Variants in NFASC observed in about 807,000 individuals in gnomAD.
NFASC encodes the protein neurofascin, also known as neurofascin homolog.
Under a neutral mutation model 147.5 loss-of-function variants are expected in NFASC, and 43 were observed. The ratio of observed to expected loss-of-function variants is 0.29; its 90% CI spans 0.23 to 0.38. NFASC has a LOEUF of 0.38. Ranked by LOEUF, NFASC falls within the 10% of genes least tolerant of loss-of-function variation. NFASC has a pLI of 1.00. For synonymous variants in NFASC, 622 were observed against 665.5 expected (o/e 0.93, Z 1.01); for missense variants, 1,320 against 1,689.0 (o/e 0.78, Z 3.83).
intron 1 of NFASC, among the ~76,000 whole-genome samples, chr1:204,857,571 T>G (rs1231277808): frequency 6.6e-6 from 1 of 152,214 alleles, no homozygotes; most frequent in Non-Finnish European, 1.5e-5. Context: ...AGAATCCCAT[T>G]GTGTGACCAC....
intron 1 of NFASC, among the ~76,000 whole-genome samples, chr1:204,896,717 G>T (rs935844044): frequency 6.6e-6 from 1 of 152,124 alleles, no homozygotes; most frequent in Non-Finnish European, 1.5e-5. Context: ...TAAATATATG[G>T]TTTTTGACCC....
Position 204,994,235 on chromosome 1 carries a change from AG to A in NFASC, c.2782+2931del, listed in dbSNP as rs2150727764. 2.0e-5 allele frequency among the ~76,000 whole-genome samples: 3 copies of A among 152,322 alleles called. 1 individual carries two copies. The South Asian group carries it at 6.2e-4, about 32-fold the overall frequency. On this transcript the variant is annotated intron_variant, in intron 24 of 29. Transcript: ENST00000339876. ...AGCCTGAGCCAGACAGGAAGCAGCTAGGTAGCCATCATCAGAGAAAAATGCT... is the reference window on the plus strand; with the variant it reads ...AGCCTGAGCCAGACAGGAAGCAGCTAGTAGCCATCATCAGAGAAAAATGCT...
Position 204,975,058 on chromosome 1 carries a change from A to G in NFASC, c.1559-213A>G, listed in dbSNP as rs73069149. On this transcript the variant is annotated intron_variant, in intron 14 of 29. Coordinates refer to ENST00000339876, the MANE Select transcript of NFASC (RefSeq NM_001005388.3). This position sits in a 1 kb window ranked among gnomAD's most constrained non-coding sequence, Gnocchi z 4.0. ...ACTACCAGCCCAGAAATTACATCAT[A>G]TATTCCTGAGCCAGATGGAGTGGAT... is the stretch of plus-strand genomic sequence containing the variant. Among the ~76,000 whole-genome samples the G allele has an allele frequency of 8.3e-3, 1,258 of 152,310 alleles. 8 individuals carry two copies. Among genetic ancestry groups the G allele is most frequent in the African/African-American group, 0.029 (1,201 of 41,560 alleles).
intron 1 of NFASC, among the ~76,000 whole-genome samples, chr1:204,832,081 G>A (rs142298490): frequency 6.2e-4 from 94 of 152,322 alleles, no homozygotes; most frequent in African/African-American, 2.0e-3. Flanking sequence ...TAGGGGACAA[G>A]ATGAGGTTCA....
rs961060150 is a variant in NFASC, at chr1:205,020,159, G to A, written c.*3620G>A. 1 of 152,280 alleles carries A rather than the reference G, an allele frequency of 6.6e-6. No homozygotes were observed. The highest frequency in any genetic ancestry group is 2.4e-5 in the African/African-American group (1 of 41,444). 9.4% of individuals were successfully genotyped at this position (152,280 alleles called of 1,614,324 possible). On this transcript the variant is annotated 3_prime_UTR_variant, in exon 30 of 30. Transcript: ENST00000339876. ...CCTGAAGTCGGGAGAGGTGACCACAGGTCTGAAAATCAGCCAGTGCCAACA... is the reference window on the plus strand; with the variant it reads ...CCTGAAGTCGGGAGAGGTGACCACAAGTCTGAAAATCAGCCAGTGCCAACA...
chr1:204,922,122 T>C (rs1213238989), intron 2 of NFASC, among the ~76,000 whole-genome samples: 1 of 152,150 alleles, frequency 6.6e-6, no homozygotes, highest in Non-Finnish European at 1.5e-5. Flanking sequence ...ACGAAGTATA[T>C]ATGAAACTGG....
intron 7 of NFASC, among the ~76,000 whole-genome samples, chr1:204,956,478 A>G (rs1216466829): frequency 6.6e-6 from 1 of 152,162 alleles, no homozygotes; most frequent in Non-Finnish European, 1.5e-5. Context: ...CTGGTATAAG[A>G]TATGCAGGCT....
At chr1:204,924,847 A>T (rs2091198242) in intron 2 of NFASC, among the ~76,000 whole-genome samples, 1 of 152,138 alleles carries the variant, frequency 6.6e-6, no homozygotes, top group African/African-American at 2.4e-5. Context: ...GGGGGAGAGG[A>T]GAAAGGGCCA....
intron 17 of NFASC, 22 bp downstream of exon 17, chr1:204,977,747 C>G: frequency 6.2e-7 from 1 of 1,602,074 alleles, no homozygotes; most frequent in Non-Finnish European, 8.5e-7. Context: ...TAATCACAGT[C>G]CCCTGCCAGT....
chr1:204,988,450 G>T (rs952878516), intron 22 of NFASC, among the ~76,000 whole-genome samples, 183 bp from the exon 23 acceptor site: 1 of 152,218 alleles, frequency 6.6e-6, no homozygotes, highest in African/African-American at 2.4e-5. Flanking sequence ...TGTAATCAAA[G>T]AGCCCGGAGG....
chr1:205,001,192 G>T lies in NFASC; in HGVS notation c.3042G>T (p.Trp1014Cys). ...HESAPDEQSI[W>C]NVTVLPNSKW... is the part of the protein sequence containing the mutation. ...CAGCCCCTGATGAGCAGTCCATATG[G>T]AACGTCACGGTGCTCCCCAACAGTA... Residue 1014 changes from tryptophan (W) to cysteine (C), a missense_variant, in exon 26 of 30, where the codon TGG becomes TGT. Transcript: ENST00000339876. The T allele has an allele frequency of 6.2e-7, 1 of 1,611,140 alleles. No individual in the cohort carries two copies.
At chr1:204,999,339 G>A (rs1304213325) in intron 25 of NFASC, 1 of 152,094 alleles carries the variant, frequency 6.6e-6, no homozygotes, top group Non-Finnish European at 1.5e-5. Context: ...GCTTCCCACT[G>A]CCTGGCCTTT....
rs1182937820 is a variant in NFASC at position 204,843,694 on chromosome 1, TTCTCTCTTTC to T, written c.-200+14928_-200+14937del. 1.1e-3 allele frequency among the ~76,000 whole-genome samples: 159 copies of T among 140,528 alleles called. 1 individual carries two copies. Among genetic ancestry groups the T allele is most frequent in the African/African-American group, 2.8e-3 (107 of 38,218 alleles). 92.2% of individuals were successfully genotyped at this position (140,528 alleles called of 152,430 possible). A position where few individuals can be genotyped will look rare whatever the true frequency, so the allele number is the denominator to read the frequency against. ...TCCCTTCCTCCCTTCCTTTCTCCCT[TTCTCTCTTTC>T]TCTCTCTTTCTCTCTTTCTTTCACG... On this transcript the variant is annotated intron_variant, in intron 1 of 29. Transcript: ENST00000339876.
chr1:204,902,819 G>A (rs919787347), intron 1 of NFASC, among the ~76,000 whole-genome samples: 1 of 152,186 alleles, frequency 6.6e-6, no homozygotes, highest in Non-Finnish European at 1.5e-5. Flanking sequence ...CTGCCAGTGA[G>A]GGGGAGAGGC....
chr1:204,972,754 T>C (rs1402007544), intron 11 of NFASC, among the ~76,000 whole-genome samples: 2 of 152,250 alleles, frequency 1.3e-5, no homozygotes, highest in Admixed American at 1.3e-4. Context: ...TATACTGTTT[T>C]GTCCTTTTCA....
At position 204,954,911 on chromosome 1, in the gene NFASC, G is replaced by T. The variant is rs77635708; in HGVS notation, c.495G>T (p.Pro165=). 7 of 1,614,020 alleles carry T rather than the reference G, an allele frequency of 4.3e-6. No individual in the cohort carries two copies. The highest frequency in any genetic ancestry group is 5.9e-6 in the Non-Finnish European group (7 of 1,179,990). The stretch of plus-strand genomic sequence containing the variant: ...CTTTGACGCTCCAGTGCAACCCCCC[G>T]CCTGGACTTCCATCCCCGGTCATCT... The part of the protein sequence containing the change: ...GAPLTLQCNP[P]PGLPSPVIFW... The change falls in exon 7 of 30, where the codon CCG becomes CCT. Residue 165 remains proline (P), a synonymous_variant. Transcript: ENST00000339876. This position sits in a 1 kb window ranked among gnomAD's most constrained non-coding sequence, Gnocchi z 5.7.
intron 2 of NFASC, among the ~76,000 whole-genome samples, chr1:204,931,366 AGTT>A (rs576088992): frequency 1.6e-4 from 24 of 152,296 alleles, no homozygotes; most frequent in Admixed American, 6.5e-4. Flanking sequence ...GTCCTGAACA[AGTT>A]GTTTCCAGGC....
intron 21 of NFASC, among the ~76,000 whole-genome samples, chr1:204,982,855 G>T (rs2095536173): frequency 6.6e-6 from 1 of 151,882 alleles, no homozygotes; most frequent in African/African-American, 2.4e-5. Context: ...ACAGTCTTGA[G>T]TGGGGGAACT....
In NFASC at chr1:204,944,162, A is replaced by G. The variant is rs560642036; in HGVS notation, c.-90-64A>G. 118 of 1,446,330 alleles carry G rather than the reference A, an allele frequency of 8.2e-5. 1 individual carries two copies. In the South Asian group the frequency reaches 1.2e-3, roughly 15 times the overall value. The allele number at this position is 1,446,330 out of a possible 1,614,324, so 89.6% of individuals were successfully genotyped here. On this transcript the variant is annotated intron_variant, in intron 2 of 29. Transcript: ENST00000339876. ...GCTCTTCGGTCCTCCAAAGCCCTGT[A>G]GGATTGCTAGAGCAAACCACAAGTT...
Sources: gnomAD v4.1 joint callset for allele counts (sites outside exome capture counted in the v4.1 genomes callset) on GRCh38, gnomAD v4.1.1 for gene constraint, Gnocchi (gnomAD v3.1) non-coding constraint, MANE v1.5 for transcripts, NCBI Gene and HGNC (gene_info 2026-07-23, HGNC 2026-07-21) for gene names.